CNGB3: variants seen among roughly 807,000 people sequenced by gnomAD.
The protein encoded by CNGB3 is cyclic nucleotide gated channel subunit beta 3.
CNGB3 carries 86 observed loss-of-function variants against 92.8 expected under a neutral mutation model. The ratio of observed to expected loss-of-function variants is 0.93; its 90% CI spans 0.78 to 1.11. CNGB3 has a LOEUF of 1.11. CNGB3 is among the 50% of genes least tolerant of loss of function. The pLI is 0.00. For missense variants in CNGB3, 1,026 were observed against 956.8 expected, an observed-to-expected ratio of 1.07 and a Z score of -0.95; for synonymous variants, 333 against 332.7, an observed-to-expected ratio of 1.00 and a Z score of -0.01.
rs116748688 is a variant in CNGB3 at position 86,643,422 on chromosome 8, G to A, written c.1178+329C>T. On this transcript the variant is annotated intron_variant, in intron 10 of 17. Coordinates refer to ENST00000320005, the MANE Select transcript of CNGB3 (RefSeq NM_019098.5). Reference sequence around the variant, plus strand: ...TCCTTTAATCCACTTTTCTTTATGCGCTCCTCTCCCCACCACTCACCCTTC... The same window carrying A: ...TCCTTTAATCCACTTTTCTTTATGCACTCCTCTCCCCACCACTCACCCTTC... Among the ~76,000 whole-genome samples, 425 of 150,994 alleles carry A rather than the reference G, an allele frequency of 2.8e-3. 2 individuals carry two copies. Among genetic ancestry groups the A allele is most frequent in the African/African-American group, 8.9e-3 (367 of 41,280 alleles).
At chr8:86,596,349 T>C (rs1350904686) in intron 15 of CNGB3, among the ~76,000 whole-genome samples, 1 of 152,204 alleles carries the variant, frequency 6.6e-6, no homozygotes, top group African/African-American at 2.4e-5. Context: ...GTTATAGAAA[T>C]GCTTCTACCT....
At chr8:86,635,857 T>G in intron 10 of CNGB3, among the ~76,000 whole-genome samples, 1 of 77,326 alleles carries the variant, frequency 1.3e-5, no homozygotes, top group Non-Finnish European at 2.4e-5. Flanking sequence ...TATATATATA[T>G]ATATATACAC....
At chr8:86,582,720 A>G (rs1022176982) in intron 15 of CNGB3, among the ~76,000 whole-genome samples, 3 of 152,186 alleles carry the variant, frequency 2.0e-5, no homozygotes, top group Non-Finnish European at 4.4e-5. Flanking sequence ...AGAATTCTAT[A>G]TTTAGGGAAA....
At position 86,604,189 on chromosome 8, in the gene CNGB3, T is replaced by A; in HGVS notation, c.1685A>T (p.Tyr562Phe). 1 of 1,612,320 alleles carries A rather than the reference T, an allele frequency of 6.2e-7. No homozygotes were observed. Among genetic ancestry groups the A allele is most frequent in the Non-Finnish European group, 8.5e-7 (1 of 1,178,458 alleles). ...CKKGEIGKEM[Y>F]IIKHGEVQVL... is the part of the protein sequence containing the mutation. ...TTGGACTTCTCCATGCTTGATGATA[T>A]ACATTTCCTTGCCAATTTCTCCCTA... The change falls in exon 15 of 18, where the codon TAT (tyrosine) becomes TTT (phenylalanine). Residue 562 changes from tyrosine (Y) to phenylalanine (F), a missense_variant. Transcript: ENST00000320005.
At chr8:86,622,155 T>C (rs1822748591) in intron 13 of CNGB3, among the ~76,000 whole-genome samples, 1 of 152,198 alleles carries the variant, frequency 6.6e-6, no homozygotes, top group Admixed American at 6.5e-5. Flanking sequence ...GGTATATTGG[T>C]GTGTATATAC....
chr8:86,666,784 T>C (rs1209301200), intron 6 of CNGB3, 141 bp downstream of exon 6: 3 of 742,582 alleles, frequency 4.0e-6, no homozygotes, highest in Non-Finnish European at 4.7e-6. Flanking sequence ...AATTGTTTTC[T>C]TGTTATTATT....
At chr8:86,603,859 G>A (rs184023612) in intron 15 of CNGB3, among the ~76,000 whole-genome samples, 1 of 152,188 alleles carries the variant, frequency 6.6e-6, no homozygotes, top group African/African-American at 2.4e-5. Context: ...CTGGGAACCT[G>A]CTTTACGCCA....
chr8:86,606,854 C>G (rs1441452697), intron 14 of CNGB3, among the ~76,000 whole-genome samples: 1 of 152,094 alleles, frequency 6.6e-6, no homozygotes, highest in Non-Finnish European at 1.5e-5. Context: ...TCATCTGACT[C>G]TATATAATAC....
intron 11 of CNGB3, among the ~76,000 whole-genome samples, chr8:86,632,013 A>ACATTCAG (rs1822971267): frequency 6.6e-6 from 1 of 151,942 alleles, no homozygotes; most frequent in Non-Finnish European, 1.5e-5. Flanking sequence ...ATGGGCTCCT[A>ACATTCAG]CATTCAGGCC....
chr8:86,711,795 G>A (rs1824755508), intron 3 of CNGB3, among the ~76,000 whole-genome samples: 1 of 148,742 alleles, frequency 6.7e-6, no homozygotes, highest in Non-Finnish European at 1.5e-5. Context: ...CACAGATGGA[G>A]GCTCTAGCAG....
chr8:86,736,757 A>G (rs1307071670), intron 2 of CNGB3, among the ~76,000 whole-genome samples: 1 of 152,168 alleles, frequency 6.6e-6, no homozygotes, highest in African/African-American at 2.4e-5. Context: ...TGATAAAAAA[A>G]AAAGGCAAGA....
chr8:86,631,827 C>A (rs1463847303), intron 11 of CNGB3, among the ~76,000 whole-genome samples: 1 of 152,100 alleles, frequency 6.6e-6, no homozygotes, highest in East Asian at 1.9e-4. Context: ...TCTGTATTAA[C>A]CTGTTTTATT....
intron 15 of CNGB3, among the ~76,000 whole-genome samples, chr8:86,588,733 G>T (rs1288336481): frequency 3.4e-5 from 5 of 146,736 alleles, no homozygotes; most frequent in African/African-American, 1.0e-4. Flanking sequence ...TGCTGGATTC[G>T]GTTTGCCAGT....
At chr8:86,593,860 G>A (rs1822109697) in intron 15 of CNGB3, 5 of 760,930 alleles carry the variant, frequency 6.6e-6, no homozygotes, top group Admixed American at 3.9e-5. Context: ...CCTGGACCCC[G>A]GGCAGCATAG....
At chr8:86,649,393 G>T (rs1385702402) in intron 7 of CNGB3, among the ~76,000 whole-genome samples, 1 of 151,068 alleles carries the variant, frequency 6.6e-6, no homozygotes, top group African/African-American at 2.4e-5. Flanking sequence ...AAATCTGAAG[G>T]CATTACACTA....
intron 15 of CNGB3, among the ~76,000 whole-genome samples, chr8:86,590,605 G>A (rs1444173909): frequency 1.3e-5 from 2 of 151,916 alleles, no homozygotes; most frequent in East Asian, 1.9e-4. Flanking sequence ...GTGAAGCTTA[G>A]TTTGGCTGGA....
chr8:86,694,259 T>C (rs1478327980), intron 3 of CNGB3, among the ~76,000 whole-genome samples: 3 of 143,716 alleles, frequency 2.1e-5, no homozygotes, highest in Non-Finnish European at 4.6e-5. Flanking sequence ...ATGGGGCGGC[T>C]GGCCGGGCAA....
At chr8:86,614,159 T>C (rs1822571898) in intron 13 of CNGB3, among the ~76,000 whole-genome samples, 1 of 152,014 alleles carries the variant, frequency 6.6e-6, no homozygotes, top group African/African-American at 2.4e-5. Flanking sequence ...AGGTTTCCAG[T>C]TCTCTACCTC....
At position 86,575,707 on chromosome 8, in the gene CNGB3, G is replaced by A. The variant is rs1821643456; in HGVS notation, c.*97C>T. The A allele has an allele frequency of 4.6e-6, 5 of 1,096,272 alleles. No individual in the cohort carries two copies. In the Admixed American group the frequency reaches 8.3e-5, roughly 18 times the overall value. The allele number at this position is 1,096,272 out of a possible 1,614,324, so 67.9% of individuals were successfully genotyped here. A position where few individuals can be genotyped will look rare whatever the true frequency, so the allele number is the denominator to read the frequency against. ...GGGATTTGCCTTTCGTTTCTCAAGG[G>A]TCCCAGCATGTCGTTTCCCCTCGTT... On this transcript the variant is annotated 3_prime_UTR_variant, in exon 18 of 18. Coordinates refer to ENST00000320005, the MANE Select transcript of CNGB3 (RefSeq NM_019098.5).
Sources: allele counts gnomAD v4.1 joint callset (sites outside exome capture counted in the v4.1 genomes callset), GRCh38; gene constraint gnomAD v4.1.1; transcripts MANE v1.5; gene names NCBI Gene and HGNC (gene_info 2026-07-23, HGNC 2026-07-21).